The following CHMP7 variants were observed in gnomAD, a reference collection of about 807,000 sequenced individuals.
The protein encoded by CHMP7 is CHMP family, member 7.
In CHMP7, 15 loss-of-function variants were observed where a neutral mutation model predicts 53.7. The observed-to-expected ratio is 0.28, with a 90% CI of 0.19 to 0.43. The LOEUF is 0.43. Among genes scored for constraint, CHMP7 ranks in the 20% least tolerant of loss-of-function variants. CHMP7 has a pLI of 1.00. For synonymous variants in CHMP7, 261 were observed against 228.0 expected (o/e 1.14, Z -1.30); for missense variants, 527 against 569.4 (o/e 0.93, Z 0.76).
chr8:23,259,667 T>C (rs1802302098), intron 9 of CHMP7, among the ~76,000 whole-genome samples: 1 of 152,014 alleles, frequency 6.6e-6, no homozygotes, highest in South Asian at 2.1e-4. Flanking sequence ...CCAAGGTGAG[T>C]GTTTCTTCCT....
chr8:23,247,195 G>A (rs1801734340), intron 2 of CHMP7, among the ~76,000 whole-genome samples: 1 of 151,432 alleles, frequency 6.6e-6, no homozygotes, highest in African/African-American at 2.4e-5. Flanking sequence ...AGGAAGAGGG[G>A]ATCTGGGGGA....
Position 23,257,703 on chromosome 8 carries a change from G to C in CHMP7, c.792-330G>C, listed in dbSNP as rs1055783183. 3.0e-4 allele frequency among the ~76,000 whole-genome samples: 45 copies of C among 152,216 alleles called. 2 individuals carry two copies. Among genetic ancestry groups the C allele is most frequent in the Non-Finnish European group, 4.4e-5 (3 of 68,034 alleles). On this transcript the variant is annotated intron_variant, in intron 5 of 10. Coordinates refer to ENST00000397677, the MANE Select transcript of CHMP7 (RefSeq NM_152272.5). The stretch of plus-strand genomic sequence containing the variant: ...AGTCTAGCCTTGTTGGGAGGCAGAG[G>C]ATATGTCCGAGGTCATTGTTGGTGT...
chr8:23,244,637 C>T (rs1801624287), intron 1 of CHMP7, among the ~76,000 whole-genome samples: 1 of 152,172 alleles, frequency 6.6e-6, no homozygotes, highest in African/African-American at 2.4e-5. Flanking sequence ...TGCCTTTCCA[C>T]ATAAACTTTA....
At chr8:23,260,503 C>A (rs377709779) in intron 10 of CHMP7, 35 bp from the exon 11 acceptor site, 33 of 1,604,400 alleles carry the variant, frequency 2.1e-5, no homozygotes, top group Non-Finnish European at 2.7e-5. Context: ...CAAGATTTTC[C>A]TGTTATAGTG....
At chr8:23,254,620 C>T (rs1268802244) in intron 3 of CHMP7, among the ~76,000 whole-genome samples, 2 of 151,760 alleles carry the variant, frequency 1.3e-5, no homozygotes, top group African/African-American at 4.8e-5. Flanking sequence ...AGGCTGGTCT[C>T]GAACTCCTGA....
chr8:23,249,557 C>A (rs1011870282), intron 3 of CHMP7, among the ~76,000 whole-genome samples, 176 bp downstream of exon 3: 1 of 152,148 alleles, frequency 6.6e-6, no homozygotes, highest in African/African-American at 2.4e-5. Context: ...ATTAGTGGGA[C>A]TTGTACATTT....
chr8:23,258,702 TTTGCAC>T, intron 7 of CHMP7, 24 bp from the exon 8 acceptor site: 1 of 1,507,076 alleles, frequency 6.6e-7, no homozygotes, highest in Non-Finnish European at 9.2e-7. Context: ...ATGTCTGTCA[TTTGCAC>T]TGATAGCTTT....
At chr8:23,258,899 A>T in intron 8 of CHMP7, 69 bp downstream of exon 8, 1 of 1,197,088 alleles carries the variant, frequency 8.4e-7, no homozygotes, top group South Asian at 1.2e-5. Flanking sequence ...ACTTCATTGC[A>T]CATCCTCTTT....
intron 2 of CHMP7, among the ~76,000 whole-genome samples, chr8:23,247,691 G>C (rs1383166083): frequency 6.6e-6 from 1 of 152,180 alleles, no homozygotes; most frequent in African/African-American, 2.4e-5. Context: ...TTGTGGTGAG[G>C]TGATAGAATT....
chr8:23,249,453 G>A (rs1286713983), intron 3 of CHMP7, 72 bp downstream of exon 3: 15 of 1,265,256 alleles, frequency 1.2e-5, no homozygotes, highest in East Asian at 2.5e-5. Context: ...CCTTGTGTGC[G>A]TTCTTGAAAA....
At chr8:23,251,179 G>A (rs1347754097) in intron 3 of CHMP7, among the ~76,000 whole-genome samples, 1 of 152,164 alleles carries the variant, frequency 6.6e-6, no homozygotes, top group Non-Finnish European at 1.5e-5. Flanking sequence ...GGTTTGTACT[G>A]GCAAACAAAG....
intron 3 of CHMP7, among the ~76,000 whole-genome samples, chr8:23,252,206 T>TTTTTTTTTTTTTTG: frequency 6.8e-6 from 1 of 147,786 alleles, no homozygotes; most frequent in Non-Finnish European, 1.5e-5. Context: ...TTTTTTTTTT[T>TTTTTTTTTTTTTTG]TTTGAGATGG....
At chr8:23,247,408 T>TG (rs1305445663) in intron 2 of CHMP7, among the ~76,000 whole-genome samples, 1 of 152,160 alleles carries the variant, frequency 6.6e-6, no homozygotes, top group Admixed American at 6.5e-5. Context: ...CGGGCATTCG[T>TG]GGGGAAGAGG....
Position 23,260,193 on chromosome 8 carries a change from T to A in CHMP7, c.1170T>A (p.Asp390Glu). Residue 390 changes from aspartate to glutamate, a missense_variant, in exon 10 of 11, where the codon GAT becomes GAA. Transcript: ENST00000397677. ...AGGAATTGGACATCCTCCTTCAGGA[T>A]ACCACCAAAGAACCTTTGGATCTGC... The part of the protein sequence containing the change: ...LEKELDILLQ[D>E]TTKEPLDLPD... 2 of 1,614,186 alleles carry A rather than the reference T, an allele frequency of 1.2e-6. No individual in the cohort carries two copies. The highest frequency in any genetic ancestry group is 2.2e-5 in the South Asian group (2 of 91,082).
chr8:23,255,598 AT>A (rs1802092871), intron 4 of CHMP7, among the ~76,000 whole-genome samples, 166 bp downstream of exon 4: 1 of 152,106 alleles, frequency 6.6e-6, no homozygotes, highest in African/African-American at 2.4e-5. Flanking sequence ...AGTTCCATAG[AT>A]TTCAGTTGTG....
chr8:23,248,186 G>A (rs1445513377), intron 2 of CHMP7: 1 of 456,236 alleles, frequency 2.2e-6, no homozygotes, highest in East Asian at 7.0e-5. Flanking sequence ...AGGAGAAACA[G>A]TAGTTGAAGA....
chr8:23,256,836 G>A (rs7813161), intron 5 of CHMP7, among the ~76,000 whole-genome samples: 12,368 of 137,540 alleles, frequency 0.09, 947 homozygotes, highest in South Asian at 0.25. Context: ...TCTGTCACCC[G>A]GGCTGGAGTG....
chr8:23,250,620 C>CTGTG (rs59970101), intron 3 of CHMP7, among the ~76,000 whole-genome samples: 1,807 of 143,348 alleles, frequency 0.013, 32 homozygotes, highest in African/African-American at 0.039. Context: ...TGATAGGGGC[C>CTGTG]TGTGTGTGTG....
chr8:23,251,575 C>A (rs1300069288), intron 3 of CHMP7, among the ~76,000 whole-genome samples: 1 of 152,216 alleles, frequency 6.6e-6, no homozygotes, highest in African/African-American at 2.4e-5. Context: ...TCAATAAATA[C>A]CTGTTGAGTG....
Sources: gnomAD v4.1 joint callset for allele counts (sites outside exome capture counted in the v4.1 genomes callset) on GRCh38, gnomAD v4.1.1 for gene constraint, MANE v1.5 for transcripts, NCBI Gene and HGNC (gene_info 2026-07-23, HGNC 2026-07-21) for gene names.